Variants in AMPH observed in about 807,000 individuals in gnomAD.
AMPH encodes the protein amphiphysin.
Under a neutral mutation model 99.1 loss-of-function variants are expected in AMPH, and 49 were observed. That is an observed-to-expected ratio of 0.49 (90% CI 0.39 to 0.63). The LOEUF (loss-of-function observed/expected upper bound fraction) is 0.63, where lower values mean the gene tolerates loss of function less well. Among genes scored for constraint, AMPH ranks in the 20% least tolerant of loss-of-function variants. The pLI, the probability that AMPH is intolerant of heterozygous loss-of-function variation, is 0.00. For synonymous variants in AMPH, 314 were observed against 317.3 expected (o/e 0.99, Z 0.11); for missense variants, 759 against 863.4 (o/e 0.88, Z 1.52).
chr7:38,515,807 T>C (rs1789717506), intron 2 of AMPH, among the ~76,000 whole-genome samples: 1 of 152,230 alleles, frequency 6.6e-6, no homozygotes, highest in Non-Finnish European at 1.5e-5. Context: ...GATAGTGATA[T>C]AGTCAATGAA....
chr7:38,428,426 G>C (rs768796627), intron 14 of AMPH: 1 of 456,488 alleles, frequency 2.2e-6, no homozygotes, highest in Non-Finnish European at 4.4e-6. Context: ...AATAATTAAG[G>C]TCAGTCCTAG....
intron 1 of AMPH, among the ~76,000 whole-genome samples, chr7:38,551,476 C>G (rs558879185): frequency 6.6e-6 from 1 of 152,156 alleles, no homozygotes; most frequent in Non-Finnish European, 1.5e-5. Context: ...TTTCTTTTTT[C>G]CTTTCCCTCC....
rs1219140871 is a variant in AMPH at position 38,525,526 on chromosome 7, T to A, written c.150+9405A>T. Among the ~76,000 whole-genome samples the A allele has an allele frequency of 2.6e-5, 4 of 151,610 alleles. No homozygotes were observed. In the East Asian group the frequency reaches 7.8e-4, roughly 30 times the overall value. The stretch of plus-strand genomic sequence containing the variant: ...CCACATGTGTAGGTTCATGTATCCA[T>A]CACCACAGTCAGGATACAGAACTTT... On this transcript the variant is annotated intron_variant, in intron 2 of 20. Coordinates refer to ENST00000356264, the MANE Select transcript of AMPH (RefSeq NM_001635.4).
intron 1 of AMPH, among the ~76,000 whole-genome samples, chr7:38,597,458 T>C (rs552723037): frequency 2.6e-5 from 4 of 152,314 alleles, no homozygotes; most frequent in African/African-American, 9.6e-5. Context: ...AGGTAAAACA[T>C]ATGTTATACA....
chr7:38,618,460 C>T lies in AMPH; in HGVS notation c.69+12823G>A, dbSNP rs182943543. ...CCGGGAGGCAGAGCTTACAGTGAGC[C>T]GAGATCATGCCACTGCACTCTAGCC... On this transcript the variant is annotated intron_variant, in intron 1 of 20. Transcript: ENST00000356264. Among the ~76,000 whole-genome samples the T allele has an allele frequency of 3.5e-3, 525 of 151,800 alleles. 3 individuals carry two copies. The highest frequency in any genetic ancestry group is 8.8e-3 in the African/African-American group (366 of 41,356).
intron 1 of AMPH, among the ~76,000 whole-genome samples, chr7:38,609,678 T>A (rs1459600965): frequency 6.6e-6 from 1 of 152,184 alleles, no homozygotes; most frequent in African/African-American, 2.4e-5. Flanking sequence ...TCTTTTTTTT[T>A]AACAAAGCTG....
In AMPH at chr7:38,494,489, G is replaced by A; in HGVS notation, c.244C>T (p.His82Tyr). 1 of 1,613,946 alleles carries A rather than the reference G, an allele frequency of 6.2e-7. No individual in the cohort carries two copies. Among genetic ancestry groups the A allele is most frequent in the Non-Finnish European group, 8.5e-7 (1 of 1,179,896 alleles). The part of the protein sequence containing the change: ...EASMKLTESL[H>Y]EVYEPDWYGR... ...TACCAGTCAGGCTCATAGACTTCAT[G>A]CAGCGACTCTGTGAGCTTCATGGAG... The change falls in exon 4 of 21, where the codon CAT (histidine) becomes TAT (tyrosine). Residue 82 changes from histidine to tyrosine, a missense_variant. Around this residue, in one of 2 missense-constraint regions of AMPH, gnomAD observed 205 missense variants for 287.9 expected, o/e 0.71. Transcript: ENST00000356264.
intron 4 of AMPH, among the ~76,000 whole-genome samples, chr7:38,493,744 G>C (rs909385482): frequency 3.3e-5 from 5 of 152,256 alleles, no homozygotes; most frequent in African/African-American, 9.6e-5. Flanking sequence ...ATGCTCTTCT[G>C]AACTCCTGTC....
In AMPH at chr7:38,429,481, T is replaced by C. The variant is rs1464925843; in HGVS notation, c.1182+361A>G. ...TCAGGGCCCCAAGTAAATGCACCTA[T>C]ATCATTTTGAGATCTTTGAATTTCT... On this transcript the variant is annotated intron_variant, in intron 14 of 20. Transcript: ENST00000356264. 6.8e-6 allele frequency: 9 copies of C among 1,320,440 alleles called. No homozygotes were observed. The African/African-American group carries it at 1.0e-4, about 15-fold the overall frequency. The allele number at this position is 1,320,440 out of a possible 1,614,324, so 81.8% of individuals were successfully genotyped here. A position where few individuals can be genotyped will look rare whatever the true frequency, so the allele number is the denominator to read the frequency against.
intron 11 of AMPH, among the ~76,000 whole-genome samples, chr7:38,440,595 G>A (rs1340021661): frequency 5.3e-5 from 8 of 152,058 alleles, no homozygotes; most frequent in Admixed American, 1.3e-4. Context: ...AGTTTAAAAC[G>A]TAGATAAACT....
chr7:38,466,776 A>C (rs1787673707), intron 7 of AMPH, among the ~76,000 whole-genome samples: 1 of 152,174 alleles, frequency 6.6e-6, no homozygotes, highest in Non-Finnish European at 1.5e-5. Context: ...TGTTTCATAG[A>C]AGGAAATACA....
At chr7:38,408,750 C>CAA (rs66957354) in intron 17 of AMPH, among the ~76,000 whole-genome samples, 2 of 100,724 alleles carry the variant, frequency 2.0e-5, no homozygotes, top group South Asian at 3.1e-4. Context: ...GACTCCATCA[C>CAA]AAAAAAAAAA....
At chr7:38,627,384 AT>A (rs1562870134) in intron 1 of AMPH, among the ~76,000 whole-genome samples, 1 of 117,852 alleles carries the variant, frequency 8.5e-6, no homozygotes, top group Admixed American at 8.6e-5. Context: ...TCTACTAAAA[AT>A]ACAAAAAAAA....
At chr7:38,491,788 G>T (rs544996885) in intron 4 of AMPH, among the ~76,000 whole-genome samples, 1 of 152,264 alleles carries the variant, frequency 6.6e-6, no homozygotes, top group Admixed American at 6.5e-5. Context: ...CTTGGCCAAG[G>T]TTATAAAGTT....
At chr7:38,566,825 A>G (rs1172717590) in intron 1 of AMPH, among the ~76,000 whole-genome samples, 2 of 152,252 alleles carry the variant, frequency 1.3e-5, no homozygotes, top group Non-Finnish European at 2.9e-5. Context: ...AATGCAAATC[A>G]AAACCACAAT....
chr7:38,509,532 G>T (rs528290363), intron 2 of AMPH, among the ~76,000 whole-genome samples: 2 of 152,144 alleles, frequency 1.3e-5, no homozygotes, highest in Non-Finnish European at 2.9e-5. Context: ...GGATCTTCTG[G>T]AAAAGCTAAC....
intron 11 of AMPH, among the ~76,000 whole-genome samples, chr7:38,444,324 T>G (rs995529357): frequency 6.6e-6 from 1 of 152,156 alleles, no homozygotes; most frequent in African/African-American, 2.4e-5. Flanking sequence ...CATGCCTATC[T>G]GGAACCTGTA....
At chr7:38,513,914 G>A (rs1050482396) in intron 2 of AMPH, among the ~76,000 whole-genome samples, 1 of 152,044 alleles carries the variant, frequency 6.6e-6, no homozygotes, top group East Asian at 1.9e-4. Context: ...ACATATTTCT[G>A]CCTTCTTAAG....
chr7:38,603,314 C>CCA (rs1793318964), intron 1 of AMPH, among the ~76,000 whole-genome samples: 1 of 94,886 alleles, frequency 1.1e-5, no homozygotes, highest in Non-Finnish European at 2.1e-5. Context: ...GACTCTGTCT[C>CCA]AAAAAAAAAA....
Sources: allele counts gnomAD v4.1 joint callset (sites outside exome capture counted in the v4.1 genomes callset), GRCh38; gene constraint gnomAD v4.1.1; regional missense constraint gnomAD v4.1.1; transcripts MANE v1.5; gene names NCBI Gene and HGNC (gene_info 2026-07-23, HGNC 2026-07-21).